TRIM51: variants seen among roughly 807,000 people sequenced by gnomAD.
The protein encoded by TRIM51 is tripartite motif-containing 51, also known as tripartite motif-containing protein 51.
Under a neutral mutation model 32.7 loss-of-function variants are expected in TRIM51, and 23 were observed. That is an observed-to-expected ratio of 0.70 (90% CI 0.51 to 1.00). The LOEUF is 1.00. Ranked by LOEUF, TRIM51 falls within the 50% of genes least tolerant of loss-of-function variation. TRIM51 has a pLI of 0.00. For synonymous variants in TRIM51, 177 were observed against 181.9 expected (o/e 0.97, Z 0.22); for missense variants, 592 against 539.2 (o/e 1.10, Z -0.97).
intron 4 of TRIM51, among the ~76,000 whole-genome samples, chr11:55,888,716 A>G (rs1590634184): frequency 6.6e-6 from 1 of 152,142 alleles, no homozygotes; most frequent in Admixed American, 6.6e-5. Context: ...CTTTATGGTT[A>G]CCACAGAGCA....
intron 1 of TRIM51, 98 bp from the exon 2 acceptor site, chr11:55,885,327 A>C: frequency 8.2e-7 from 1 of 1,220,262 alleles, no homozygotes; most frequent in African/African-American, 1.5e-5. Flanking sequence ...TTTAATGAGC[A>C]CTGTCAAGAA....
At chr11:55,884,694 T>C (rs1253429784) in intron 1 of TRIM51, among the ~76,000 whole-genome samples, 1 of 152,114 alleles carries the variant, frequency 6.6e-6, no homozygotes, top group Non-Finnish European at 1.5e-5. Context: ...CTCCATGTAT[T>C]ATTTAATCCA....
intron 3 of TRIM51, among the ~76,000 whole-genome samples, chr11:55,887,748 G>T (rs182032448): frequency 2.1e-4 from 32 of 152,246 alleles, no homozygotes; most frequent in Middle Eastern, 3.4e-3. Flanking sequence ...TCTTAAGCAA[G>T]AACTGTGTTT....
rs1177016846 is a variant in TRIM51 at position 55,885,479 on chromosome 11, C to T, written c.51C>T (p.Ile17=). The change falls in exon 2 of 7, where the codon ATC becomes ATT. Residue 17 remains isoleucine, a synonymous_variant. Transcript: ENST00000449290. The part of the protein sequence containing the change: ...QVFQRALTCP[I]CMNYFLDPVT... ...TCCAGAGGGCACTCACCTGTCCCAT[C>T]TGCATGAACTACTTCCTAGACCCAG... 6.2e-7 allele frequency: 1 copy of T among 1,611,892 alleles called. No individual in the cohort carries two copies. Among genetic ancestry groups the T allele is most frequent in the Non-Finnish European group, 8.5e-7 (1 of 1,179,716 alleles).
chr11:55,887,608 G>T (rs1052220501), intron 3 of TRIM51, among the ~76,000 whole-genome samples: 1 of 152,054 alleles, frequency 6.6e-6, no homozygotes, highest in Non-Finnish European at 1.5e-5. Flanking sequence ...TGGGTGAAAT[G>T]CATTGAGTTG....
At chr11:55,890,361 AT>A in intron 6 of TRIM51, among the ~76,000 whole-genome samples, 1 of 152,182 alleles carries the variant, frequency 6.6e-6, no homozygotes, top group East Asian at 1.9e-4. Context: ...TTACATAAAA[AT>A]TTTACATTTC....
At position 55,885,820 on chromosome 11, in the gene TRIM51, G is replaced by T. The variant is rs1352168709; in HGVS notation, c.392G>T (p.Trp131Leu). ...HRNHIHCPIE[W>L]AAEERREELL... is the part of the protein sequence containing the mutation. ...AATCACATACACTGTCCCATTGAGTGGGCTGCTGAGGAACGCCGGGTAAGT... is the reference window on the plus strand; with the variant it reads ...AATCACATACACTGTCCCATTGAGTTGGCTGCTGAGGAACGCCGGGTAAGT... The change falls in exon 2 of 7, where the codon TGG becomes TTG. Residue 131 changes from tryptophan (W) to leucine (L), a missense_variant. Transcript: ENST00000449290. 1 of 1,611,734 alleles carries T rather than the reference G, an allele frequency of 6.2e-7. No individual in the cohort carries two copies. Among genetic ancestry groups the T allele is most frequent in the South Asian group, 1.1e-5 (1 of 90,994 alleles).
rs539036098 is a variant in TRIM51 at position 55,889,864 on chromosome 11, T to C, written c.762-78T>C. On this transcript the variant is annotated intron_variant, in intron 5 of 6. Coordinates refer to ENST00000449290, the MANE Select transcript of TRIM51 (RefSeq NM_032681.4). ...GTGGGTTAAAGGGATTCTCATGAAA[T>C]GTCTTTTAAATAAGAGTGGTGTTTT... The C allele has an allele frequency of 6.4e-4, 637 of 990,402 alleles. 3 individuals carry two copies. In the African/African-American group the frequency reaches 9.1e-3, roughly 14 times the overall value. 61.4% of individuals were successfully genotyped at this position (990,402 alleles called of 1,614,324 possible).
chr11:55,890,484 T>C (rs1854634962), intron 6 of TRIM51, among the ~76,000 whole-genome samples: 1 of 152,174 alleles, frequency 6.6e-6, no homozygotes, highest in Non-Finnish European at 1.5e-5. Flanking sequence ...ATTGATATAA[T>C]GTAAAATTTG....
chr11:55,885,421 T>G lies in TRIM51; in HGVS notation c.-4-4T>G, dbSNP rs749723816. On this transcript the variant is annotated splice_polypyrimidine_tract_variant and splice_region_variant and intron_variant, in intron 1 of 6. Transcript: ENST00000449290. ...AAAATGACATGCTGCTCTTTCTTCT[T>G]CAGAAACATGAATTCTGGAATCTTG... 1 of 1,611,758 alleles carries G rather than the reference T, an allele frequency of 6.2e-7. No individual in the cohort carries two copies. The highest frequency in any genetic ancestry group is 1.7e-5 in the Admixed American group (1 of 60,010).
At chr11:55,884,358 G>T (rs1045332734) in intron 1 of TRIM51, among the ~76,000 whole-genome samples, 1 of 149,228 alleles carries the variant, frequency 6.7e-6, no homozygotes, top group African/African-American at 2.5e-5. Flanking sequence ...TCATATATCT[G>T]TCCTCACTCT....
rs575802267 is a variant in TRIM51 at position 55,885,552 on chromosome 11, A to T, written c.124A>T (p.Asn42Tyr). The T allele has an allele frequency of 1.4e-4, 233 of 1,611,968 alleles. 2 individuals are homozygous for T. The African/African-American group carries it at 2.6e-3, about 18-fold the overall frequency. The change falls in exon 2 of 7, where the codon AAC becomes TAC. Residue 42 changes from asparagine (N) to tyrosine (Y), a missense_variant. Physicochemically the swap from Asn to Tyr is moderately radical, Grantham distance 143. Transcript: ENST00000449290. ...CTTTTGCCGGCCCTGTTTGTACCTC[A>T]ACTGGCAAGACACGGCAGTTCTTGC... ...HSFCRPCLYL[N>Y]WQDTAVLAQC...
Position 55,891,147 on chromosome 11 carries a change from C to T in TRIM51, c.874C>T (p.Gln292Ter), listed in dbSNP as rs1234520599. Residue 292 changes from glutamine (Q) to a stop codon, truncating the protein, a stop_gained, in exon 7 of 7, where the codon CAG becomes TAG. Coordinates refer to ENST00000449290, the MANE Select transcript of TRIM51 (RefSeq NM_032681.4). LOFTEE classifies it low-confidence loss of function (END_TRUNC). ...LSGFRVDFTL[Q>*]PERANSHIFL... ...TATTTTTGCAGTTGATTTTACTCTG[C>T]AGCCTGAAAGAGCCAATAGTCATAT... 5.6e-6 allele frequency: 9 copies of T among 1,599,410 alleles called. No homozygotes were observed. Among genetic ancestry groups the T allele is most frequent in the Non-Finnish European group, 6.8e-6 (8 of 1,179,148 alleles).
At chr11:55,891,021 G>A (rs1427372057) in intron 6 of TRIM51, 112 bp from the exon 7 acceptor site, 12 of 818,254 alleles carry the variant, frequency 1.5e-5, no homozygotes, top group Non-Finnish European at 1.5e-5. Flanking sequence ...TCCTGTCCTT[G>A]TAACTTCAAA....
At chr11:55,886,363 T>G in intron 3 of TRIM51, 145 bp downstream of exon 3, 1 of 667,860 alleles carries the variant, frequency 1.5e-6, no homozygotes, top group East Asian at 2.7e-5. Context: ...CACCCTAATT[T>G]TTTATATAAG....
chr11:55,883,817 A>G (rs1341842651), intron 1 of TRIM51, among the ~76,000 whole-genome samples: 1 of 152,122 alleles, frequency 6.6e-6, no homozygotes, highest in African/African-American at 2.4e-5. Flanking sequence ...TGGTGATACT[A>G]AAGGAAATAA....
chr11:55,887,341 T>C (rs1045298002), intron 3 of TRIM51, among the ~76,000 whole-genome samples: 1 of 150,150 alleles, frequency 6.7e-6, no homozygotes, highest in African/African-American at 2.4e-5. Context: ...GAGGAATATA[T>C]ATATACACAC....
chr11:55,885,472 G>A lies in TRIM51; in HGVS notation c.44G>A (p.Cys15Tyr), dbSNP rs1200121500. The change falls in exon 2 of 7, where the codon TGT (cysteine) becomes TAT (tyrosine). Residue 15 changes from cysteine (C) to tyrosine (Y), a missense_variant. Transcript: ENST00000449290. ...CAAGTCTTCCAGAGGGCACTCACCT[G>A]TCCCATCTGCATGAACTACTTCCTA... Reference protein sequence around the residue: ...ILQVFQRALTCPICMNYFLDP... With the variant: ...ILQVFQRALTYPICMNYFLDP... The A allele has an allele frequency of 4.3e-6, 7 of 1,611,812 alleles. No individual in the cohort carries two copies. Among genetic ancestry groups the A allele is most frequent in the Non-Finnish European group, 5.9e-6 (7 of 1,179,718 alleles).
In TRIM51 at chr11:55,885,564, A is replaced by C. The variant is rs1854565654; in HGVS notation, c.136A>C (p.Thr46Pro). The C allele has an allele frequency of 1.2e-6, 2 of 1,611,870 alleles. No homozygotes were observed. Among genetic ancestry groups the C allele is most frequent in the Non-Finnish European group, 1.7e-6 (2 of 1,179,778 alleles). The change falls in exon 2 of 7, where the codon ACG becomes CCG. Residue 46 changes from threonine to proline, a missense_variant. By Grantham distance (38) the Thr-to-Pro change is conservative. Coordinates refer to ENST00000449290, the MANE Select transcript of TRIM51 (RefSeq NM_032681.4). ...CTGTTTGTACCTCAACTGGCAAGACACGGCAGTTCTTGCTCAGTGCTCTGA... is the reference window on the plus strand; with the variant it reads ...CTGTTTGTACCTCAACTGGCAAGACCCGGCAGTTCTTGCTCAGTGCTCTGA... ...RPCLYLNWQD[T>P]AVLAQCSECK...
Sources: gnomAD v4.1 joint callset for allele counts (sites outside exome capture counted in the v4.1 genomes callset) on GRCh38, gnomAD v4.1.1 for gene constraint, MANE v1.5 for transcripts, NCBI Gene and HGNC (gene_info 2026-07-23, HGNC 2026-07-21) for gene names.